Variants in GSDME observed in about 807,000 individuals in gnomAD.
The protein encoded by GSDME is gasdermin-E.
GSDME carries 44 observed loss-of-function variants against 47.5 expected under a neutral mutation model. The observed-to-expected ratio is 0.93, with a 90% CI of 0.73 to 1.19. GSDME has a LOEUF of 1.19. Ranked by LOEUF, GSDME falls within the 50% of genes most tolerant of loss-of-function variation. The pLI, the probability that GSDME is intolerant of heterozygous loss-of-function variation, is 0.00. For synonymous variants in GSDME, 258 were observed against 252.8 expected, an observed-to-expected ratio of 1.02 and a Z score of -0.20; for missense variants, 663 against 604.2, an observed-to-expected ratio of 1.10 and a Z score of -1.02.
At chr7:24,704,575 T>C (rs1022263247) in intron 8 of GSDME, 1 of 151,930 alleles carries the variant, frequency 6.6e-6, no homozygotes, top group African/African-American at 2.4e-5. Context: ...TTCAGAAAAA[T>C]AAAGGGCAGG....
At chr7:24,779,564 G>A in the GSDME span, among the ~76,000 whole-genome samples, 1,198 of 149,362 alleles carry the variant, frequency 8.0e-3, 22 homozygotes, top group African/African-American at 0.028. The surrounding 1 kb of genome is among the most constrained non-coding windows in gnomAD (Gnocchi z 6.0). Flanking sequence ...CTTTCATCAG[G>A]GGAAAAAAAA....
chr7:24,748,530 G>A (rs568230794), intron 2 of GSDME, among the ~76,000 whole-genome samples: 265 of 152,206 alleles, frequency 1.7e-3, no homozygotes, highest in Non-Finnish European at 3.1e-3. Context: ...AAGTGTCAAC[G>A]GGAATTAACA....
Position 24,698,797 on chromosome 7 carries a change from A to C in GSDME, c.*229T>G, listed in dbSNP as rs1788739073. 1.1e-5 allele frequency: 6 copies of C among 566,848 alleles called. No individual in the cohort carries two copies. The South Asian group carries it at 1.2e-4, about 11-fold the overall frequency. 35.1% of individuals were successfully genotyped at this position (566,848 alleles called of 1,614,324 possible). ...CCCTCCCAGCTCTTTACATGCTGGA[A>C]CCTAACTCAGATGCTGGGTCACCAG... On this transcript the variant is annotated 3_prime_UTR_variant, in exon 10 of 10. Coordinates refer to ENST00000645220, the MANE Select transcript of GSDME (RefSeq NM_001127453.2).
chr7:24,790,468 G>A, the GSDME span, among the ~76,000 whole-genome samples: 2 of 152,120 alleles, frequency 1.3e-5, no homozygotes, highest in African/African-American at 2.4e-5. The surrounding 1 kb of genome is among the most constrained non-coding windows in gnomAD (Gnocchi z 4.1). Context: ...GTTTTTATGG[G>A]CAGTAGGAAG....
chr7:24,704,310 T>C (rs1022640546), intron 8 of GSDME: 6 of 152,206 alleles, frequency 3.9e-5, no homozygotes, highest in Admixed American at 3.9e-4. Context: ...TACAAAATAG[T>C]GGAGGAAGCT....
rs1788753098 is a variant in GSDME, at chr7:24,699,082, G to T, written c.1435C>A (p.Leu479Met). 3 of 1,614,032 alleles carry T rather than the reference G, an allele frequency of 1.9e-6. No homozygotes were observed. Among genetic ancestry groups the T allele is most frequent in the Non-Finnish European group, 1.7e-6 (2 of 1,180,006 alleles). Reference protein sequence around the residue: ...VILKDSKVFPLLLCITLNGLC... With the variant: ...VILKDSKVFPMLLCITLNGLC... ...CCATTCAGGGTTATACAAAGAAGCA[G>T]TGGGAAGACTTTAGAGTCCTTCAGA... is the stretch of plus-strand genomic sequence containing the variant. The change falls in exon 10 of 10, where the codon CTG becomes ATG. Residue 479 changes from leucine to methionine, a missense_variant. Physicochemically the swap from Leu to Met is conservative, Grantham distance 15. Transcript: ENST00000645220.
At chr7:24,784,853 C>T in the GSDME span, among the ~76,000 whole-genome samples, 1 of 152,170 alleles carries the variant, frequency 6.6e-6, no homozygotes, top group Admixed American at 6.5e-5. Flanking sequence ...AGCCACCGCG[C>T]CCGGACTGCC....
chr7:24,747,011 A>AGC (rs1440473698), intron 2 of GSDME, among the ~76,000 whole-genome samples: 2 of 152,186 alleles, frequency 1.3e-5, no homozygotes, highest in Non-Finnish European at 2.9e-5. Flanking sequence ...ACCCCAGATG[A>AGC]GCATGCTCGG....
chr7:24,761,443 G>A (rs1791164226), upstream of GSDME, among the ~76,000 whole-genome samples: 1 of 152,210 alleles, frequency 6.6e-6, no homozygotes, highest in Non-Finnish European at 1.5e-5. The surrounding 1 kb of genome is among the most constrained non-coding windows in gnomAD (Gnocchi z 4.4). Context: ...TCCACACCTG[G>A]TGGAAGGGAA....
intron 1 of GSDME, among the ~76,000 whole-genome samples, chr7:24,750,595 A>C (rs552669822): frequency 4.7e-4 from 72 of 152,338 alleles, no homozygotes; most frequent in Admixed American, 1.6e-3. Flanking sequence ...TCTGGGTGAC[A>C]GTGCAAGATT....
chr7:24,769,680 G>A, the GSDME span, among the ~76,000 whole-genome samples: 2 of 152,094 alleles, frequency 1.3e-5, no homozygotes, highest in South Asian at 2.1e-4. Context: ...ATTTTCCACA[G>A]TTCCTCTTTC....
chr7:24,787,256 TC>T, the GSDME span, among the ~76,000 whole-genome samples: 4 of 152,160 alleles, frequency 2.6e-5, no homozygotes, highest in Non-Finnish European at 5.9e-5. This position sits in a 1 kb window ranked among gnomAD's most constrained non-coding sequence, Gnocchi z 5.0. Flanking sequence ...CCAACAGGCA[TC>T]ACAGGGGAAG....
rs796872355 is a variant in GSDME at position 24,714,430 on chromosome 7, CA to C, written c.697+2823del. Among the ~76,000 whole-genome samples, 1 of 150,940 alleles carries C rather than the reference CA, an allele frequency of 6.6e-6. No individual in the cohort carries two copies. The highest frequency in any genetic ancestry group is 1.5e-5 in the Non-Finnish European group (1 of 67,746). ...GCAAGAGCAACAGAAAACGGATGGG[CA>C]AAAAAAAGAAAAGAAATAGCAGAAC... On this transcript the variant is annotated intron_variant, in intron 5 of 9. Coordinates refer to ENST00000645220, the MANE Select transcript of GSDME (RefSeq NM_001127453.2). This position sits in a 1 kb window ranked among gnomAD's most constrained non-coding sequence, Gnocchi z 5.0.
the GSDME span, among the ~76,000 whole-genome samples, chr7:24,782,223 C>G: frequency 1.5e-5 from 2 of 131,250 alleles, no homozygotes; most frequent in Non-Finnish European, 1.6e-5. Flanking sequence ...CCCCTCCCCC[C>G]ACCCCACAAC....
intron 1 of GSDME, among the ~76,000 whole-genome samples, chr7:24,751,184 C>G (rs1790846762): frequency 6.6e-6 from 1 of 152,096 alleles, no homozygotes. Flanking sequence ...ATACTGTACT[C>G]CAAGAGAAAC....
chr7:24,743,367 T>C (rs1790548518), intron 3 of GSDME, among the ~76,000 whole-genome samples: 1 of 152,210 alleles, frequency 6.6e-6, no homozygotes, highest in South Asian at 2.1e-4. Context: ...AATTTTTGCT[T>C]TAAAAGACTA....
chr7:24,736,497 C>T lies in GSDME; in HGVS notation c.404+8065G>A, dbSNP rs147976184. On this transcript the variant is annotated intron_variant, in intron 3 of 9. Transcript: ENST00000645220. This position sits in a 1 kb window ranked among gnomAD's most constrained non-coding sequence, Gnocchi z 4.6. ...TAACAATTGTAAATATTTATGTACC[C>T]AACACTGGAGCACCCAGATATATAA... is the stretch of plus-strand genomic sequence containing the variant. 3.7e-3 allele frequency among the ~76,000 whole-genome samples: 564 copies of T among 152,140 alleles called. 4 individuals are homozygous for T. Among genetic ancestry groups the T allele is most frequent in the African/African-American group, 0.013 (535 of 41,498 alleles).
rs1249788501 is a variant in GSDME, at chr7:24,745,248, A to C, written c.212-494T>G. On this transcript the variant is annotated intron_variant, in intron 2 of 9. Transcript: ENST00000645220. The surrounding 1 kb of genome is among the most constrained non-coding windows in gnomAD (Gnocchi z 4.4). ...CTGAAAGGGACTAGACAAAGAAGAC[A>C]ACTAAACAGAGAGAGAACAGCAGCC... 6.6e-6 allele frequency among the ~76,000 whole-genome samples: 1 copy of C among 152,188 alleles called. No individual in the cohort carries two copies. The highest frequency in any genetic ancestry group is 1.5e-5 in the Non-Finnish European group (1 of 68,030).
chr7:24,753,380 C>T (rs1790916650), intron 1 of GSDME, among the ~76,000 whole-genome samples: 1 of 152,188 alleles, frequency 6.6e-6, no homozygotes, highest in South Asian at 2.1e-4. Flanking sequence ...CTCCCTTATG[C>T]AGATGTATCA....
Sources: allele counts gnomAD v4.1 joint callset (sites outside exome capture counted in the v4.1 genomes callset), GRCh38; gene constraint gnomAD v4.1.1; non-coding constraint Gnocchi (gnomAD v3.1); transcripts MANE v1.5; gene names NCBI Gene and HGNC (gene_info 2026-07-23, HGNC 2026-07-21).